EPAS1: variants seen among roughly 807,000 people sequenced by gnomAD.
EPAS1 encodes the protein endothelial PAS domain protein 1.
In EPAS1, 23 loss-of-function variants were observed where a neutral mutation model predicts 87.9. That is an observed-to-expected ratio of 0.26 (90% CI 0.19 to 0.37). The LOEUF is 0.37. EPAS1 is among the 10% of genes least tolerant of loss of function. The probability of loss-of-function intolerance (pLI) is 1.00; values close to 1 mark genes in which losing one functional copy is unlikely to be tolerated. For missense variants in EPAS1, 1,138 were observed against 1,120.7 expected, an observed-to-expected ratio of 1.02 and a Z score of -0.22; for synonymous variants, 508 against 444.3, an observed-to-expected ratio of 1.14 and a Z score of -1.80.
rs913674805 is a variant in EPAS1, at chr2:46,360,452, A to G, written c.455-186A>G. 6.6e-6 allele frequency among the ~76,000 whole-genome samples: 1 copy of G among 152,234 alleles called. No homozygotes were observed. Among genetic ancestry groups the G allele is most frequent in the Non-Finnish European group, 1.5e-5 (1 of 68,038 alleles). On this transcript the variant is annotated intron_variant, in intron 4 of 15. Transcript: ENST00000263734. This position sits in a 1 kb window ranked among gnomAD's most constrained non-coding sequence, Gnocchi z 4.5. ...CTCCAGTTGAGGAGATAAGCTTGAGAGTGGGAACCATTAGTTCACAGGCCA... is the reference window on the plus strand; with the variant it reads ...CTCCAGTTGAGGAGATAAGCTTGAGGGTGGGAACCATTAGTTCACAGGCCA...
intron 1 of EPAS1, among the ~76,000 whole-genome samples, chr2:46,331,397 T>C (rs1334666474): frequency 6.6e-6 from 1 of 152,256 alleles, no homozygotes; most frequent in Non-Finnish European, 1.5e-5. Flanking sequence ...CAAGGAGCCA[T>C]ACTTTTTACA....
In EPAS1 at chr2:46,305,711, G is replaced by GA. The variant is rs1683099190; in HGVS notation, c.26+7776dup. On this transcript the variant is annotated intron_variant, in intron 1 of 15. Coordinates refer to ENST00000263734, the MANE Select transcript of EPAS1 (RefSeq NM_001430.5). The stretch of plus-strand genomic sequence containing the variant: ...TCTCATACACCCCTAGTGACTTCTT[G>GA]AACTATCCCCCCATCCCCAGCCATG... Among the ~76,000 whole-genome samples the GA allele has an allele frequency of 2.2e-4, 3 of 13,760 alleles. No individual in the cohort carries two copies. The South Asian group carries it at 6.0e-3, about 28-fold the overall frequency. 9.0% of individuals were successfully genotyped at this position (13,760 alleles called of 152,430 possible). A position where few individuals can be genotyped will look rare whatever the true frequency, so the allele number is the denominator to read the frequency against.
At chr2:46,381,321 G>A in intron 12 of EPAS1, 1 of 505,926 alleles carries the variant, frequency 2.0e-6, no homozygotes, top group Admixed American at 3.2e-5. Flanking sequence ...GAGAGACATG[G>A]GCAGAAGAAA....
chr2:46,360,897 A>C lies in EPAS1; in HGVS notation c.586A>C (p.Thr196Pro). Residue 196 changes from threonine to proline, a missense_variant, in exon 6 of 16, where the codon ACG becomes CCG. Transcript: ENST00000263734. This position sits in a 1 kb window ranked among gnomAD's most constrained non-coding sequence, Gnocchi z 4.5. The part of the protein sequence containing the change: ...KSATWKVLHC[T>P]GQVKVYNNCP... ...ACGCCTGTCTCAGGTCTTGCACTGC[A>C]CGGGCCAGGTGAAAGTCTACAACAA... 1 of 1,614,124 alleles carries C rather than the reference A, an allele frequency of 6.2e-7. No individual in the cohort carries two copies. The highest frequency in any genetic ancestry group is 8.5e-7 in the Non-Finnish European group (1 of 1,180,006).
At chr2:46,381,033 A>G (rs111532582) in intron 12 of EPAS1, 418 of 439,234 alleles carry the variant, frequency 9.5e-4, no homozygotes, top group African/African-American at 7.8e-3. Context: ...CACACAGAAA[A>G]TTGAGTGATG....
rs1684889550 is a variant in EPAS1, at chr2:46,381,466, ACT to A, written c.2046-127_2046-126del. On this transcript the variant is annotated intron_variant, in intron 12 of 15. Transcript: ENST00000263734. The stretch of plus-strand genomic sequence containing the variant: ...TGCAGGTGCACAGCCTGCCTCTGAG[ACT>A]CTGCCTTTTGGGTCTTTGAGTCATC... The A allele has an allele frequency of 3.4e-6, 5 of 1,450,516 alleles. No homozygotes were observed. The East Asian group carries it at 9.1e-5, about 27-fold the overall frequency. 89.9% of individuals were successfully genotyped at this position (1,450,516 alleles called of 1,614,324 possible).
intron 2 of EPAS1, 23 bp from the exon 3 acceptor site, chr2:46,356,128 G>C (rs1224281442): frequency 7.0e-6 from 10 of 1,432,106 alleles, no homozygotes; most frequent in Non-Finnish European, 3.8e-6. Context: ...CATGCAAGCT[G>C]TCCCACCCCC....
At chr2:46,365,124 C>T (rs1263732288) in intron 6 of EPAS1, among the ~76,000 whole-genome samples, 2 of 152,154 alleles carry the variant, frequency 1.3e-5, no homozygotes, top group African/African-American at 2.4e-5. Context: ...GAGATAGAGG[C>T]CAGGCCTTTC....
In EPAS1 at chr2:46,347,854, G is replaced by A. The variant is rs1684065515; in HGVS notation, c.217+791G>A. 6.6e-6 allele frequency among the ~76,000 whole-genome samples: 1 copy of A among 152,180 alleles called. No individual in the cohort carries two copies. The highest frequency in any genetic ancestry group is 6.5e-5 in the Admixed American group (1 of 15,282). On this transcript the variant is annotated intron_variant, in intron 2 of 15. Transcript: ENST00000263734. The surrounding 1 kb of genome is among the most constrained non-coding windows in gnomAD (Gnocchi z 4.2). ...ATCCTAGGTGACATTCTCGTCAGGG[G>A]TGTCAGTTCTGTAAGGACGCTGGGC... is the stretch of plus-strand genomic sequence containing the variant.
At chr2:46,337,117 G>A (rs997951861) in intron 1 of EPAS1, among the ~76,000 whole-genome samples, 2 of 152,190 alleles carry the variant, frequency 1.3e-5, no homozygotes, top group African/African-American at 4.8e-5. Flanking sequence ...GTTTTTATCC[G>A]ATGTCTCCAG....
chr2:46,330,855 C>A (rs1324234661), intron 1 of EPAS1, among the ~76,000 whole-genome samples: 1 of 152,122 alleles, frequency 6.6e-6, no homozygotes, highest in Non-Finnish European at 1.5e-5. Context: ...TTTTGGGACT[C>A]CTTTACCACC....
At chr2:46,336,981 T>A (rs1490982258) in intron 1 of EPAS1, among the ~76,000 whole-genome samples, 1 of 152,238 alleles carries the variant, frequency 6.6e-6, no homozygotes. Context: ...ACCTTGAGTG[T>A]CCGCAGGGTG....
intron 11 of EPAS1, chr2:46,379,810 A>G (rs1684844547): frequency 3.7e-6 from 1 of 267,860 alleles, no homozygotes; most frequent in African/African-American, 2.2e-5. Flanking sequence ...AGCTTACAGG[A>G]GGGAGAAGAG....
chr2:46,381,810 AAG>A, intron 13 of EPAS1, 88 bp downstream of exon 13: 2 of 1,587,186 alleles, frequency 1.3e-6, no homozygotes, highest in Non-Finnish European at 1.7e-6. Flanking sequence ...TGGCCCTTCC[AAG>A]CCAGCATAGC....
rs972177318 is a variant in EPAS1 at position 46,385,031 on chromosome 2, A to C, written c.*371A>C. 8 of 231,894 alleles carry C rather than the reference A, an allele frequency of 3.4e-5. No individual in the cohort carries two copies. Among genetic ancestry groups the C allele is most frequent in the Admixed American group, 1.0e-4 (2 of 19,558 alleles). The allele number at this position is 231,894 out of a possible 1,614,324, so 14.4% of individuals were successfully genotyped here. On this transcript the variant is annotated 3_prime_UTR_variant, in exon 16 of 16. Coordinates refer to ENST00000263734, the MANE Select transcript of EPAS1 (RefSeq NM_001430.5). ...GCATGTCTGTTCTTCTGTAGGGAGA[A>C]GCTTTAGCTTCATTTTACTAAAAAG...
Position 46,384,543 on chromosome 2 carries a change from G to A in EPAS1, c.2496G>A (p.Glu832=), listed in dbSNP as rs183095352. 3 of 1,614,178 alleles carry A rather than the reference G, an allele frequency of 1.9e-6. No individual in the cohort carries two copies. The East Asian group carries it at 6.7e-5, about 36-fold the overall frequency. Residue 832 remains glutamate, a synonymous_variant, in exon 16 of 16, where the codon GAG becomes GAA. Coordinates refer to ENST00000263734, the MANE Select transcript of EPAS1 (RefSeq NM_001430.5). ...MASRLLGPSF[E]SYLLPELTRY... ...GCCGGCTGCTCGGGCCCTCATTTGA[G>A]TCCTACCTGCTGCCCGAACTGACCA...
At chr2:46,369,962 T>C in intron 7 of EPAS1, 29 bp downstream of exon 7, 1 of 1,551,196 alleles carries the variant, frequency 6.4e-7, no homozygotes, top group Non-Finnish European at 8.9e-7. Flanking sequence ...CCTTGTGGCT[T>C]CCTTGTGTCT....
chr2:46,382,183 C>T (rs1026636891), intron 14 of EPAS1, 94 bp downstream of exon 14: 39 of 1,218,632 alleles, frequency 3.2e-5, no homozygotes, highest in Non-Finnish European at 3.9e-5. Flanking sequence ...CACCACAGGC[C>T]GTACCTGCCT....
At chr2:46,299,057 T>C (rs1558578978) in intron 1 of EPAS1, among the ~76,000 whole-genome samples, 1 of 152,132 alleles carries the variant, frequency 6.6e-6, no homozygotes, top group Non-Finnish European at 1.5e-5. Flanking sequence ...AGCGGCGGTA[T>C]AGAGGTGCGA....
Sources: allele counts gnomAD v4.1 joint callset (sites outside exome capture counted in the v4.1 genomes callset), GRCh38; gene constraint gnomAD v4.1.1; non-coding constraint Gnocchi (gnomAD v3.1); transcripts MANE v1.5; gene names NCBI Gene and HGNC (gene_info 2026-07-23, HGNC 2026-07-21).